Variants in CYP4X1 observed in about 807,000 individuals in gnomAD.
CYP4X1 encodes cytochrome P450 family 4 subfamily X member 1, also known as cytochrome P450 4X1.
Under a neutral mutation model 57.9 loss-of-function variants are expected in CYP4X1, and 44 were observed. The ratio of observed to expected loss-of-function variants is 0.76; its 90% CI spans 0.60 to 0.98. CYP4X1 has a LOEUF of 0.98. Among genes scored for constraint, CYP4X1 ranks in the 50% least tolerant of loss-of-function variants. The probability of loss-of-function intolerance (pLI) is 0.00; values close to 1 mark genes in which losing one functional copy is unlikely to be tolerated. For synonymous variants in CYP4X1, 227 were observed against 228.6 expected (o/e 0.99, Z 0.06); for missense variants, 532 against 623.9 (o/e 0.85, Z 1.57).
chr1:46,962,273 C>T, the CYP4X1 span, among the ~76,000 whole-genome samples: 2,538 of 152,168 alleles, frequency 0.017, 36 homozygotes, highest in South Asian at 0.046. Flanking sequence ...CACACTGCCA[C>T]GCCTGGCTAA....
the CYP4X1 span, among the ~76,000 whole-genome samples, chr1:46,973,663 G>A: frequency 1.3e-5 from 2 of 151,974 alleles, no homozygotes; most frequent in Admixed American, 1.3e-4. Flanking sequence ...GGGAGGTGGT[G>A]TGTTTCCAGG....
At chr1:47,000,655 G>C in the CYP4X1 span, among the ~76,000 whole-genome samples, 1 of 152,180 alleles carries the variant, frequency 6.6e-6, no homozygotes, top group Non-Finnish European at 1.5e-5. Context: ...GGGCAGACAA[G>C]CTGGAGGGCA....
At chr1:46,981,017 A>G in the CYP4X1 span, among the ~76,000 whole-genome samples, 1 of 152,224 alleles carries the variant, frequency 6.6e-6, no homozygotes, top group African/African-American at 2.4e-5. Flanking sequence ...TAGACCTAAA[A>G]CCATAAAAAC....
chr1:46,968,465 C>T, the CYP4X1 span, among the ~76,000 whole-genome samples: 6 of 152,164 alleles, frequency 3.9e-5, no homozygotes, highest in African/African-American at 1.4e-4. Context: ...CCTGTGCAGC[C>T]CATGTCCTTG....
intron 6 of CYP4X1, among the ~76,000 whole-genome samples, chr1:47,036,591 T>G (rs1644186707): frequency 1.3e-5 from 2 of 151,892 alleles, no homozygotes; most frequent in South Asian, 4.2e-4. Context: ...CAAAAACAGT[T>G]TTAGCAAGCA....
upstream of CYP4X1, among the ~76,000 whole-genome samples, chr1:47,021,142 C>CAAAAA (rs546594827): frequency 4.3e-3 from 206 of 47,458 alleles, 46 homozygotes; most frequent in African/African-American, 0.019. Context: ...GCAGGAATGC[C>CAAAAA]AAAAAAAAAA....
At chr1:47,022,015 A>G (rs898026121), upstream of CYP4X1, among the ~76,000 whole-genome samples, 2 of 152,188 alleles carry the variant, frequency 1.3e-5, no homozygotes, top group African/African-American at 4.8e-5. Context: ...GGGCCATCAT[A>G]CAACCATCAT....
chr1:46,982,002 G>A, the CYP4X1 span, among the ~76,000 whole-genome samples: 27 of 151,994 alleles, frequency 1.8e-4, no homozygotes, highest in Non-Finnish European at 2.8e-4. Context: ...GATGGGGGAG[G>A]GATAGCATTA....
In CYP4X1 at chr1:47,031,601, T is replaced by C. The variant is rs1045949570; in HGVS notation, c.364+121T>C. On this transcript the variant is annotated intron_variant, in intron 3 of 11. Transcript: ENST00000371901. The stretch of plus-strand genomic sequence containing the variant: ...GCACAAAGAGTGCAAGGTAGAGCTA[T>C]ACTGAACGTTATCTAGGGGAAAGAT... The C allele has an allele frequency of 1.4e-5, 15 of 1,043,686 alleles. No homozygotes were observed. In the African/African-American group the frequency reaches 2.2e-4, roughly 16 times the overall value. The allele number at this position is 1,043,686 out of a possible 1,614,324, so 64.7% of individuals were successfully genotyped here.
chr1:47,045,072 AC>A (rs1421329839), intron 8 of CYP4X1, among the ~76,000 whole-genome samples: 1 of 152,056 alleles, frequency 6.6e-6, no homozygotes, highest in African/African-American at 2.4e-5. Flanking sequence ...TGATCCGCCC[AC>A]CTAGGCCTCC....
intron 1 of CYP4X1, among the ~76,000 whole-genome samples, chr1:47,026,756 C>T (rs967317741): frequency 1.6e-4 from 25 of 151,862 alleles, no homozygotes; most frequent in Non-Finnish European, 2.8e-4. Context: ...CCTGCTCTGT[C>T]GCCCAGGCTG....
rs1644145705 is a variant in CYP4X1 at position 47,033,424 on chromosome 1, G to A, written c.492+56G>A. On this transcript the variant is annotated intron_variant, in intron 4 of 11. Transcript: ENST00000371901. ...TGCGAAATGCTCCCAGCAATGGACA[G>A]TATTAGGTATGTGTTTTGTGGGCCA... 4 of 1,583,036 alleles carry A rather than the reference G, an allele frequency of 2.5e-6. No homozygotes were observed. In the South Asian group the frequency reaches 3.5e-5, roughly 14 times the overall value.
rs1292136628 is a variant in CYP4X1 at position 47,049,984 on chromosome 1, T to G, written c.1356-16T>G. 1 of 1,608,880 alleles carries G rather than the reference T, an allele frequency of 6.2e-7. No individual in the cohort carries two copies. Among genetic ancestry groups the G allele is most frequent in the African/African-American group, 1.3e-5 (1 of 74,622 alleles). ...TCATTTTTTCAAGTATCACTTTCTT[T>G]CCCTCTTGTCTTCAGGAACTGCATT... On this transcript the variant is annotated splice_polypyrimidine_tract_variant and intron_variant, in intron 11 of 11. Coordinates refer to ENST00000371901, the MANE Select transcript of CYP4X1 (RefSeq NM_178033.2).
At chr1:47,034,999 C>T (rs1644164305) in intron 4 of CYP4X1, among the ~76,000 whole-genome samples, 1 of 151,592 alleles carries the variant, frequency 6.6e-6, no homozygotes, top group Non-Finnish European at 1.5e-5. Flanking sequence ...ACAATTTGCA[C>T]TTAGGAAAAA....
At chr1:47,009,910 C>A in the CYP4X1 span, among the ~76,000 whole-genome samples, 1 of 152,216 alleles carries the variant, frequency 6.6e-6, no homozygotes, top group East Asian at 1.9e-4. Flanking sequence ...GAAATTGAGG[C>A]AATAATTAAT....
chr1:47,032,934 A>G (rs889026165), intron 3 of CYP4X1, among the ~76,000 whole-genome samples: 4 of 152,190 alleles, frequency 2.6e-5, no homozygotes, highest in Non-Finnish European at 5.9e-5. Flanking sequence ...TGAGTCACTT[A>G]TTCAGTTACT....
At chr1:47,019,899 G>T (rs553447682), upstream of CYP4X1, among the ~76,000 whole-genome samples, 263 of 152,340 alleles carry the variant, frequency 1.7e-3, no homozygotes, top group African/African-American at 6.1e-3. Context: ...TTGGCACTTA[G>T]TGAGGATACA....
At chr1:46,962,900 G>T in the CYP4X1 span, among the ~76,000 whole-genome samples, 4 of 152,186 alleles carry the variant, frequency 2.6e-5, no homozygotes, top group East Asian at 7.7e-4. Context: ...TCTCTTTGTA[G>T]GTCTCTAAGG....
chr1:46,963,732 C>T, the CYP4X1 span, among the ~76,000 whole-genome samples: 1 of 152,150 alleles, frequency 6.6e-6, no homozygotes, highest in Non-Finnish European at 1.5e-5. Context: ...CTTGGAGTTG[C>T]TCTTCTTGAC....
Sources: gnomAD v4.1 joint callset for allele counts (sites outside exome capture counted in the v4.1 genomes callset) on GRCh38, gnomAD v4.1.1 for gene constraint, MANE v1.5 for transcripts, NCBI Gene and HGNC (gene_info 2026-07-23, HGNC 2026-07-21) for gene names.